The following PCDH15 variants were observed in gnomAD, a reference collection of about 807,000 sequenced individuals.
The protein encoded by PCDH15 is protocadherin related 15.
Under a neutral mutation model 178.5 loss-of-function variants are expected in PCDH15, and 129 were observed. The observed-to-expected ratio is 0.72, with a 90% CI of 0.63 to 0.84. The LOEUF (loss-of-function observed/expected upper bound fraction) is 0.84. Among genes scored for constraint, PCDH15 ranks in the 40% least tolerant of loss-of-function variants. PCDH15 has a pLI of 0.00. For missense variants in PCDH15, 2,230 were observed against 2,099.9 expected, an observed-to-expected ratio of 1.06 and a Z score of -1.21; for synonymous variants, 800 against 732.0, an observed-to-expected ratio of 1.09 and a Z score of -1.50.
At chr10:54,796,889 A>G (rs1056275132) in intron 1 of PCDH15, among the ~76,000 whole-genome samples, 16 of 152,056 alleles carry the variant, frequency 1.1e-4, no homozygotes, top group Non-Finnish European at 1.9e-4. Flanking sequence ...AAGTTGAAGA[A>G]ATAAGTCCCT....
intron 2 of PCDH15, among the ~76,000 whole-genome samples, chr10:55,589,752 A>T (rs1589160670): frequency 6.7e-6 from 1 of 149,744 alleles, no homozygotes; most frequent in Admixed American, 6.6e-5. Context: ...GCAAATCAAA[A>T]CCACAATGAG....
intron 3 of PCDH15, among the ~76,000 whole-genome samples, chr10:54,860,874 T>C (rs1462081163): frequency 6.6e-6 from 1 of 152,258 alleles, no homozygotes; most frequent in Admixed American, 6.6e-5. Flanking sequence ...TAACTGAGTG[T>C]CCTAGGCGAT....
chr10:54,520,815 A>T (rs1373165858), intron 3 of PCDH15, among the ~76,000 whole-genome samples: 1 of 150,886 alleles, frequency 6.6e-6, no homozygotes, highest in Non-Finnish European at 1.5e-5. Flanking sequence ...GAACCAACCC[A>T]AATGTCCAAC....
intron 15 of PCDH15, among the ~76,000 whole-genome samples, chr10:54,093,542 A>G (rs1003398977): frequency 6.6e-6 from 1 of 152,162 alleles, no homozygotes; most frequent in Non-Finnish European, 1.5e-5. Flanking sequence ...AGAAGCATTT[A>G]CCCTTCAAGT....
In PCDH15 at chr10:54,801,031, T is replaced by C. The variant is rs932686446; in HGVS notation, c.-135A>G. 1 of 152,186 alleles carries C rather than the reference T, an allele frequency of 6.6e-6. No homozygotes were observed. The highest frequency in any genetic ancestry group is 2.4e-5 in the African/African-American group (1 of 41,446). 9.4% of individuals were successfully genotyped at this position (152,186 alleles called of 1,614,324 possible). The stretch of plus-strand genomic sequence containing the variant: ...TTAAAAAGAACCAGTGCTCATAATC[T>C]AGTTCCAAGACGATTCATTCACATG... On this transcript the variant is annotated 5_prime_UTR_variant, in exon 1 of 38. An upstream open reading frame in the 5' UTR loses its in-frame stop. Transcript: ENST00000644397.
chr10:53,974,833 G>A (rs2090056783), intron 21 of PCDH15, among the ~76,000 whole-genome samples: 1 of 151,738 alleles, frequency 6.6e-6, no homozygotes, highest in Non-Finnish European at 1.5e-5. Context: ...TCTGTTACAC[G>A]ATGTTTCATA....
chr10:55,156,433 T>A (rs2680319), intron 2 of PCDH15, among the ~76,000 whole-genome samples: 142,965 of 151,946 alleles, frequency 0.94, 67,539 homozygotes, highest in East Asian at 1. Flanking sequence ...GAATGGTAAG[T>A]AGTTGCTGAT....
At chr10:53,902,718 C>T (rs2133657138) in intron 26 of PCDH15, among the ~76,000 whole-genome samples, 1 of 152,152 alleles carries the variant, frequency 6.6e-6, no homozygotes, top group Admixed American at 6.5e-5. Context: ...TTAGATACTG[C>T]ATTTTTGAAA....
chr10:54,650,260 G>A (rs1286455541), intron 2 of PCDH15, among the ~76,000 whole-genome samples: 1 of 152,062 alleles, frequency 6.6e-6, no homozygotes, highest in Non-Finnish European at 1.5e-5. Flanking sequence ...CGCATTTCAA[G>A]CTGAGATAAC....
At chr10:53,844,665 T>C (rs2077862453) in intron 28 of PCDH15, among the ~76,000 whole-genome samples, 2 of 151,906 alleles carry the variant, frequency 1.3e-5, no homozygotes, top group Admixed American at 1.3e-4. Context: ...GATAAGAAAC[T>C]GGATATCCAT....
chr10:53,904,467 T>C (rs2082533990), intron 25 of PCDH15, among the ~76,000 whole-genome samples: 1 of 78,672 alleles, frequency 1.3e-5, no homozygotes, highest in Non-Finnish European at 2.3e-5. Flanking sequence ...TTAGAAATAG[T>C]CTTTTTTTTT....
intron 2 of PCDH15, among the ~76,000 whole-genome samples, chr10:54,631,021 A>G (rs1305223196): frequency 6.6e-6 from 1 of 152,148 alleles, no homozygotes; most frequent in African/African-American, 2.4e-5. Flanking sequence ...TTGATGATAT[A>G]CTTTGAATAT....
At chr10:54,243,548 TAC>T (rs2055626352) in intron 8 of PCDH15, among the ~76,000 whole-genome samples, 1 of 152,238 alleles carries the variant, frequency 6.6e-6, no homozygotes. Context: ...CATTTCATAT[TAC>T]ATTGCAAATG....
chr10:54,332,341 T>TATG lies in PCDH15; in HGVS notation c.595-2636_595-2635insCAT, dbSNP rs1413883455. ...TAATATAATCTATATTATATATTAT[T>TATG]ATATATAATATAATATAATCTATAT... On this transcript the variant is annotated intron_variant, in intron 6 of 37. Coordinates refer to ENST00000644397, the MANE Select transcript of PCDH15 (RefSeq NM_001384140.1). 1.0e-3 allele frequency among the ~76,000 whole-genome samples: 83 copies of TATG among 83,162 alleles called. 3 individuals are homozygous for TATG. Among genetic ancestry groups the TATG allele is most frequent in the South Asian group, 1.6e-3 (5 of 3,178 alleles). 54.6% of individuals were successfully genotyped at this position (83,162 alleles called of 152,430 possible). A position where few individuals can be genotyped will look rare whatever the true frequency, so the allele number is the denominator to read the frequency against.
intron 21 of PCDH15, among the ~76,000 whole-genome samples, chr10:53,966,452 T>C (rs1441560176): frequency 6.6e-6 from 1 of 152,176 alleles, no homozygotes; most frequent in Non-Finnish European, 1.5e-5. Context: ...TTCCTTTCTT[T>C]ACTTCTTTCC....
At chr10:55,071,120 A>C (rs1306465202) in intron 2 of PCDH15, among the ~76,000 whole-genome samples, 1 of 152,188 alleles carries the variant, frequency 6.6e-6, no homozygotes, top group Non-Finnish European at 1.5e-5. Context: ...GAAAGGAACA[A>C]CCAGTACCAG....
intron 2 of PCDH15, among the ~76,000 whole-genome samples, chr10:55,109,466 T>C (rs1409801454): frequency 6.6e-6 from 1 of 152,166 alleles, no homozygotes; most frequent in Non-Finnish European, 1.5e-5. Flanking sequence ...ACTCCATTGC[T>C]TAAATGTCTA....
chr10:54,158,480 G>T (rs929012224), intron 13 of PCDH15, among the ~76,000 whole-genome samples: 2 of 152,130 alleles, frequency 1.3e-5, no homozygotes, highest in African/African-American at 4.8e-5. Flanking sequence ...AATGAGATTT[G>T]GGTGGGGACA....
chr10:55,412,000 A>G (rs1337026329), intron 2 of PCDH15, among the ~76,000 whole-genome samples: 1 of 152,112 alleles, frequency 6.6e-6, no homozygotes, highest in East Asian at 1.9e-4. Flanking sequence ...AGAAATATAG[A>G]AAACATTTTA....
Sources: allele counts gnomAD v4.1 joint callset (sites outside exome capture counted in the v4.1 genomes callset), GRCh38; gene constraint gnomAD v4.1.1; transcripts MANE v1.5; gene names NCBI Gene and HGNC (gene_info 2026-07-23, HGNC 2026-07-21).